Variants in DLGAP2 observed in about 807,000 individuals in gnomAD.
The protein encoded by DLGAP2 is DLG associated protein 2.
In DLGAP2, 26 loss-of-function variants were observed where a neutral mutation model predicts 100.3. The ratio of observed to expected loss-of-function variants is 0.26; its 90% CI spans 0.19 to 0.36. The LOEUF (loss-of-function observed/expected upper bound fraction) is 0.36. Among genes scored for constraint, DLGAP2 ranks in the 10% least tolerant of loss-of-function variants. The pLI, the probability that DLGAP2 is intolerant of heterozygous loss-of-function variation, is 1.00. For synonymous variants in DLGAP2, 886 were observed against 630.1 expected, an observed-to-expected ratio of 1.41 and a Z score of -6.08; for missense variants, 1,858 against 1,453.2, an observed-to-expected ratio of 1.28 and a Z score of -4.53.
intron 10 of DLGAP2, among the ~76,000 whole-genome samples, chr8:1,670,310 C>G (rs1798658453): frequency 1.3e-5 from 2 of 152,218 alleles, no homozygotes; most frequent in African/African-American, 4.8e-5. Context: ...CGCTTCCTGC[C>G]CCGCCCACAG....
At chr8:1,491,298 A>G (rs1211444525) in intron 3 of DLGAP2, among the ~76,000 whole-genome samples, 2 of 131,904 alleles carry the variant, frequency 1.5e-5, no homozygotes, top group Non-Finnish European at 3.2e-5. Context: ...GCTGTGAGCA[A>G]GAGAAACAGT....
At chr8:1,139,434 G>T (rs1038755331) in intron 2 of DLGAP2, among the ~76,000 whole-genome samples, 2 of 152,188 alleles carry the variant, frequency 1.3e-5, no homozygotes, top group Non-Finnish European at 2.9e-5. Context: ...ATGGATGATG[G>T]TGTCCTGGCT....
At chr8:766,053 G>C (rs1444838927) in intron 1 of DLGAP2, among the ~76,000 whole-genome samples, 1 of 152,184 alleles carries the variant, frequency 6.6e-6, no homozygotes, top group East Asian at 1.9e-4. Context: ...TGTAATCTCA[G>C]CTACTTGGGA....
intron 12 of DLGAP2, among the ~76,000 whole-genome samples, chr8:1,685,525 C>A (rs917801497): frequency 6.6e-6 from 1 of 152,164 alleles, no homozygotes; most frequent in Non-Finnish European, 1.5e-5. Flanking sequence ...ACTGACCAGG[C>A]CTCTGCTAAG....
intron 8 of DLGAP2, among the ~76,000 whole-genome samples, chr8:1,662,855 TAC>T (rs1364692163): frequency 6.7e-6 from 1 of 150,054 alleles, no homozygotes; most frequent in Non-Finnish European, 1.5e-5. Context: ...TGCCTGTGTG[TAC>T]ACGTGTGAGT....
intron 2 of DLGAP2, among the ~76,000 whole-genome samples, chr8:978,120 C>G (rs1416371698): frequency 5.2e-5 from 5 of 96,908 alleles, no homozygotes; most frequent in South Asian, 3.7e-4. Context: ...CAGTGAGGTG[C>G]TGGGTTCTGG....
intron 2 of DLGAP2, among the ~76,000 whole-genome samples, chr8:1,166,840 G>C (rs767541708): frequency 6.6e-6 from 1 of 152,050 alleles, no homozygotes; most frequent in African/African-American, 2.4e-5. Context: ...TCTACATATG[G>C]ATAATGATAA....
intron 3 of DLGAP2, among the ~76,000 whole-genome samples, chr8:1,345,942 C>T (rs1188600250): frequency 2.6e-5 from 4 of 152,194 alleles, no homozygotes; most frequent in African/African-American, 9.7e-5. Flanking sequence ...CACAAGGCAG[C>T]GCTTAACTTC....
At chr8:1,645,999 G>A (rs931658063) in intron 8 of DLGAP2, among the ~76,000 whole-genome samples, 1 of 152,192 alleles carries the variant, frequency 6.6e-6, no homozygotes, top group African/African-American at 2.4e-5. Flanking sequence ...ATGCCGCACA[G>A]TTCTCTGTAT....
At chr8:1,095,758 T>C (rs1309100817) in intron 2 of DLGAP2, among the ~76,000 whole-genome samples, 1 of 152,208 alleles carries the variant, frequency 6.6e-6, no homozygotes, top group Non-Finnish European at 1.5e-5. Context: ...TCTTTTTCTT[T>C]TTGTAACATA....
rs760613506 is a variant in DLGAP2 at position 1,549,285 on chromosome 8, A to G, written c.832A>G (p.Ser278Gly). 6.2e-7 allele frequency: 1 copy of G among 1,612,154 alleles called. No homozygotes were observed. The highest frequency in any genetic ancestry group is 8.5e-7 in the Non-Finnish European group (1 of 1,179,618). Residue 278 changes from serine to glycine, a missense_variant, in exon 5 of 15, where the codon AGC becomes GGC. By Grantham distance (56) the Ser-to-Gly change is moderately conservative. Transcript: ENST00000637795. ...HAHHAKHSKR[S>G]KSKERKPEGK... The stretch of plus-strand genomic sequence containing the variant: ...CCACCACGCCAAGCACAGCAAGAGG[A>G]GCAAGAGCAAGGAGCGCAAGCCGGA...
At chr8:1,461,693 A>G (rs1248519521) in intron 3 of DLGAP2, among the ~76,000 whole-genome samples, 2 of 52,576 alleles carry the variant, frequency 3.8e-5, no homozygotes, top group African/African-American at 8.7e-5. Flanking sequence ...GACTGGGTGC[A>G]GTCGCTGATT....
intron 2 of DLGAP2, among the ~76,000 whole-genome samples, chr8:1,072,663 T>C (rs1478360090): frequency 1.3e-5 from 2 of 152,198 alleles, no homozygotes; most frequent in Admixed American, 6.5e-5. Flanking sequence ...ATCAAGCAAG[T>C]CTGTTCACCA....
intron 3 of DLGAP2, among the ~76,000 whole-genome samples, chr8:1,285,369 C>G (rs370192796): frequency 7.9e-5 from 12 of 152,138 alleles, no homozygotes; most frequent in African/African-American, 2.7e-4. Context: ...AAAGCTCAGT[C>G]ATACTTCAAA....
chr8:1,032,332 G>A (rs1296091210), intron 2 of DLGAP2, among the ~76,000 whole-genome samples: 1 of 152,230 alleles, frequency 6.6e-6, no homozygotes, highest in East Asian at 1.9e-4. Context: ...GGTGCCCTGG[G>A]ACAGTGCCGT....
At chr8:1,059,743 G>A (rs781209924) in intron 2 of DLGAP2, among the ~76,000 whole-genome samples, 6 of 152,170 alleles carry the variant, frequency 3.9e-5, no homozygotes, top group Admixed American at 3.9e-4. Context: ...TGAGGCAGGT[G>A]AGGGAATTCC....
chr8:765,472 C>G (rs762940845), intron 1 of DLGAP2, among the ~76,000 whole-genome samples: 1 of 152,102 alleles, frequency 6.6e-6, no homozygotes, highest in East Asian at 1.9e-4. Flanking sequence ...TGTGCTGGAA[C>G]CAAAATAATT....
intron 3 of DLGAP2, among the ~76,000 whole-genome samples, chr8:1,431,971 T>G (rs1797462072): frequency 7.0e-6 from 1 of 142,330 alleles, no homozygotes; most frequent in Non-Finnish European, 1.5e-5. Flanking sequence ...ACGGCTGCCA[T>G]CCATCGGGGC....
intron 4 of DLGAP2, among the ~76,000 whole-genome samples, chr8:1,533,136 A>AG (rs1491383158): frequency 8.1e-6 from 1 of 123,294 alleles, no homozygotes; most frequent in Non-Finnish European, 1.7e-5. Flanking sequence ...GATTCTAGGG[A>AG]AAAAAAAAAA....
Sources: allele counts gnomAD v4.1 joint callset (sites outside exome capture counted in the v4.1 genomes callset), GRCh38; gene constraint gnomAD v4.1.1; transcripts MANE v1.5; gene names NCBI Gene and HGNC (gene_info 2026-07-23, HGNC 2026-07-21).